Variants in PREPL observed in about 807,000 individuals in gnomAD.
PREPL encodes prolyl endopeptidase-like.
Under a neutral mutation model 70.6 loss-of-function variants are expected in PREPL, and 77 were observed. That is an observed-to-expected ratio of 1.09 (90% CI 0.91 to 1.32). The LOEUF (loss-of-function observed/expected upper bound fraction) is 1.32. Ranked by LOEUF, PREPL falls within the 40% of genes most tolerant of loss-of-function variation. The pLI is 0.00. For synonymous variants in PREPL, 315 were observed against 264.8 expected (o/e 1.19, Z -1.84); for missense variants, 1,002 against 778.2 (o/e 1.29, Z -3.42).
Position 44,321,112 on chromosome 2 carries a change from C to T in PREPL, c.*244G>A. The T allele has an allele frequency of 2.1e-6, 1 of 474,314 alleles. No individual in the cohort carries two copies. The allele number at this position is 474,314 out of a possible 1,614,324, so 29.4% of individuals were successfully genotyped here. A position where few individuals can be genotyped will look rare whatever the true frequency, so the allele number is the denominator to read the frequency against. On this transcript the variant is annotated 3_prime_UTR_variant, in exon 14 of 14. Transcript: ENST00000409411. ...CACCAATCCTTCCCTTCCCTCTACT[C>T]CACATCCTTCTAAGGAGCATGATTT...
At chr2:44,349,869 C>G (rs1007271903) in intron 1 of PREPL, among the ~76,000 whole-genome samples, 1 of 151,980 alleles carries the variant, frequency 6.6e-6, no homozygotes, top group African/African-American at 2.4e-5. Context: ...GGGTAATTTT[C>G]CAGGAAGAAA....
chr2:44,352,229 GCTTTTGACCCA>G (rs1176595775), intron 1 of PREPL, among the ~76,000 whole-genome samples: 6 of 151,370 alleles, frequency 4.0e-5, no homozygotes, highest in African/African-American at 1.5e-4. Flanking sequence ...CATAACTATC[GCTTTTGACCCA>G]CTTTGTATTT....
rs764944105 is a variant in PREPL at position 44,320,878 on chromosome 2, C to A, written c.*478G>T. ...TTCAGATAGCATCAATCAGGGATGA[C>A]CAGAACACATTAGGACCCCAGATTA... On this transcript the variant is annotated 3_prime_UTR_variant, in exon 14 of 14. Transcript: ENST00000409411. The A allele has an allele frequency of 3.3e-5, 18 of 537,470 alleles. No homozygotes were observed. Among genetic ancestry groups the A allele is most frequent in the Non-Finnish European group, 5.3e-5 (16 of 300,506 alleles). The allele number at this position is 537,470 out of a possible 1,614,324, so 33.3% of individuals were successfully genotyped here.
At position 44,320,683 on chromosome 2, in the gene PREPL, T is replaced by C. The variant is rs200953276; in HGVS notation, c.*673A>G. The C allele has an allele frequency of 3.9e-4, 546 of 1,415,566 alleles. 2 individuals carry two copies. The highest frequency in any genetic ancestry group is 1.8e-3 in the Middle Eastern group (10 of 5,666). 87.7% of individuals were successfully genotyped at this position (1,415,566 alleles called of 1,614,324 possible). ...GAAGACACTGGCATTTCAGTGGGAT[T>C]GTAAGCATTTGTAATAGCTTCATGT... On this transcript the variant is annotated 3_prime_UTR_variant, in exon 14 of 14. Coordinates refer to ENST00000409411, the MANE Select transcript of PREPL (RefSeq NM_001171613.2).
upstream of PREPL, chr2:44,361,710 G>C (rs546589602): frequency 1.9e-5 from 7 of 371,732 alleles, no homozygotes; most frequent in South Asian, 9.2e-5. Context: ...ATGAAGCACA[G>C]AAGGCTAAAA....
At chr2:44,332,384 C>G in intron 8 of PREPL, 75 bp downstream of exon 8, 1 of 1,320,446 alleles carries the variant, frequency 7.6e-7, no homozygotes, top group East Asian at 2.3e-5. Context: ...AATGTAACTC[C>G]AACAACTGCA....
At position 44,339,368 on chromosome 2, in the gene PREPL, A is replaced by T; in HGVS notation, c.486-5T>A. 6.3e-7 allele frequency: 1 copy of T among 1,583,518 alleles called. No homozygotes were observed. The highest frequency in any genetic ancestry group is 8.6e-7 in the Non-Finnish European group (1 of 1,156,654). On this transcript the variant is annotated splice_region_variant and splice_polypyrimidine_tract_variant and intron_variant, in intron 5 of 13. Transcript: ENST00000409411. ...AGATAAAGGAAAACAAAGTAGCTAGAGAGAGAGAGAGAGACATGAGATCAC... is the reference window on the plus strand; with the variant it reads ...AGATAAAGGAAAACAAAGTAGCTAGTGAGAGAGAGAGAGACATGAGATCAC...
At position 44,333,446 on chromosome 2, in the gene PREPL, CCT is replaced by C. The variant is rs1674320837; in HGVS notation, c.889-792_889-791del. 2.6e-5 allele frequency among the ~76,000 whole-genome samples: 4 copies of C among 152,012 alleles called. No homozygotes were observed. The South Asian group carries it at 8.4e-4, about 32-fold the overall frequency. On this transcript the variant is annotated intron_variant, in intron 7 of 13. Coordinates refer to ENST00000409411, the MANE Select transcript of PREPL (RefSeq NM_001171613.2). ...GAGGCAGAACATTAAAAGAAAATTG[CCT>C]TTCTTTTCCTGAGTAATTGTAGAAA...
chr2:44,334,467 C>A (rs1005145426), intron 7 of PREPL, among the ~76,000 whole-genome samples: 11 of 152,120 alleles, frequency 7.2e-5, no homozygotes, highest in African/African-American at 2.7e-4. Context: ...AAAAATACTT[C>A]CAGAAAATAC....
At chr2:44,359,392 G>T (rs1386128600) in intron 1 of PREPL, 24 of 919,358 alleles carry the variant, frequency 2.6e-5, no homozygotes, top group Non-Finnish European at 4.0e-5. Context: ...AATCAAGTTA[G>T]AATTACTGAG....
In PREPL at chr2:44,349,040, A is replaced by G. The variant is rs1676121203; in HGVS notation, c.-48-2650T>C. 3.3e-5 allele frequency among the ~76,000 whole-genome samples: 5 copies of G among 152,338 alleles called. No homozygotes were observed. The South Asian group carries it at 1.0e-3, about 32-fold the overall frequency. ...CAGATTTTGAGAAGGTTACTGGTAC[A>G]GTATCACTCCATTAGTGGTAAAAAG... On this transcript the variant is annotated intron_variant, in intron 1 of 13. Coordinates refer to ENST00000409411, the MANE Select transcript of PREPL (RefSeq NM_001171613.2).
rs377558216 is a variant in PREPL, at chr2:44,327,756, G to C, written c.1263-828C>G. 5.3e-5 allele frequency among the ~76,000 whole-genome samples: 8 copies of C among 151,988 alleles called. No homozygotes were observed. The East Asian group carries it at 1.6e-3, about 30-fold the overall frequency. Reference sequence around the variant, plus strand: ...TGCGTGCCTATAAGCCCAACTACTCGGGAGGCTGAGGCAAGAGAATTACTT... The same window carrying C: ...TGCGTGCCTATAAGCCCAACTACTCCGGAGGCTGAGGCAAGAGAATTACTT... On this transcript the variant is annotated intron_variant, in intron 9 of 13. Coordinates refer to ENST00000409411, the MANE Select transcript of PREPL (RefSeq NM_001171613.2).
chr2:44,320,214 C>A lies in PREPL; in HGVS notation c.*1142G>T, dbSNP rs199678349. On this transcript the variant is annotated 3_prime_UTR_variant, in exon 14 of 14. Coordinates refer to ENST00000409411, the MANE Select transcript of PREPL (RefSeq NM_001171613.2). ...AAAAAAATAGGTCCAAAAGACTCAG[C>A]CCAGATCGGCTTTGAAGTTATATCA... 2 of 1,613,482 alleles carry A rather than the reference C, an allele frequency of 1.2e-6. No individual in the cohort carries two copies. Among genetic ancestry groups the A allele is most frequent in the East Asian group, 4.5e-5 (2 of 44,880 alleles).
chr2:44,323,267 G>T lies in PREPL; in HGVS notation c.1624C>A (p.Pro542Thr). The T allele has an allele frequency of 1.3e-6, 2 of 1,597,702 alleles. No homozygotes were observed. Among genetic ancestry groups the T allele is most frequent in the South Asian group, 2.3e-5 (2 of 87,882 alleles). ...KRYCPYQNIK[P>T]QHYPSIHITA... is the part of the protein sequence containing the mutation. ...ACACAATTGTCTTTCACTACCTGAG[G>T]TTTAATATTTTGATAGGGACAGTAA... is the stretch of plus-strand genomic sequence containing the variant. The change falls in exon 11 of 14, where the codon CCT becomes ACT. Residue 542 changes from proline (P) to threonine (T), a missense_variant. Transcript: ENST00000409411.
rs1360979814 is a variant in PREPL at position 44,319,544 on chromosome 2, TAGA to T, written c.*1809_*1811del. ...CAATAACAGAAAATGCTTGAAAGGT[TAGA>T]AGTACATCATCAAATTATGTTTTAT... On this transcript the variant is annotated 3_prime_UTR_variant, in exon 14 of 14. Coordinates refer to ENST00000409411, the MANE Select transcript of PREPL (RefSeq NM_001171613.2). 6.6e-6 allele frequency: 1 copy of T among 152,468 alleles called. No homozygotes were observed. Among genetic ancestry groups the T allele is most frequent in the African/African-American group, 2.4e-5 (1 of 41,468 alleles). The allele number at this position is 152,468 out of a possible 1,614,324, so 9.4% of individuals were successfully genotyped here.
chr2:44,354,003 C>CA (rs1676737717), intron 1 of PREPL, among the ~76,000 whole-genome samples: 1 of 151,856 alleles, frequency 6.6e-6, no homozygotes, highest in African/African-American at 2.4e-5. Flanking sequence ...TCCACACACA[C>CA]AAAAAATCAA....
chr2:44,360,606 GAGTC>G (rs990920077), intron 1 of PREPL: 2 of 152,184 alleles, frequency 1.3e-5, no homozygotes, highest in Admixed American at 1.3e-4. Flanking sequence ...AAGTAGTTAA[GAGTC>G]AGAGAGACCT....
In PREPL at chr2:44,318,031, T is replaced by C; in HGVS notation, c.*3325A>G. 5.0e-6 allele frequency: 2 copies of C among 399,474 alleles called. No individual in the cohort carries two copies. Among genetic ancestry groups the C allele is most frequent in the Non-Finnish European group, 9.9e-6 (2 of 202,260 alleles). The allele number at this position is 399,474 out of a possible 1,614,324, so 24.7% of individuals were successfully genotyped here. ...TGAAGTTATCTTTTGACCTAATAAT[T>C]CCATTCCTAATACTTAGAAATATTT... On this transcript the variant is annotated 3_prime_UTR_variant, in exon 14 of 14. Coordinates refer to ENST00000409411, the MANE Select transcript of PREPL (RefSeq NM_001171613.2).
At chr2:44,324,965 C>T (rs1211715679) in intron 10 of PREPL, among the ~76,000 whole-genome samples, 1 of 152,136 alleles carries the variant, frequency 6.6e-6, no homozygotes, top group Non-Finnish European at 1.5e-5. Context: ...CTGTATTTTT[C>T]ACTTAGCTTT....
Sources: gnomAD v4.1 joint callset for allele counts (sites outside exome capture counted in the v4.1 genomes callset) on GRCh38, gnomAD v4.1.1 for gene constraint, MANE v1.5 for transcripts, NCBI Gene and HGNC (gene_info 2026-07-23, HGNC 2026-07-21) for gene names.